CFAP61: variants seen among roughly 807,000 people sequenced by gnomAD.
The protein encoded by CFAP61 is cilia- and flagella-associated protein 61.
In CFAP61, 107 loss-of-function variants were observed where a neutral mutation model predicts 135.6. That is an observed-to-expected ratio of 0.79 (90% CI 0.67 to 0.93). The LOEUF (loss-of-function observed/expected upper bound fraction) is 0.93. Ranked by LOEUF, CFAP61 falls within the 40% of genes least tolerant of loss-of-function variation. The pLI is 0.00. For missense variants in CFAP61, 1,507 were observed against 1,556.2 expected, an observed-to-expected ratio of 0.97 and a Z score of 0.53; for synonymous variants, 575 against 578.5, an observed-to-expected ratio of 0.99 and a Z score of 0.09.
At chr20:20,299,696 C>T (rs1480601977) in intron 25 of CFAP61, among the ~76,000 whole-genome samples, 1 of 152,104 alleles carries the variant, frequency 6.6e-6, no homozygotes, top group Non-Finnish European at 1.5e-5. Flanking sequence ...TTTGTGAGAA[C>T]CATCCAGGAT....
chr20:20,357,934 G>T (rs2059305908), intron 26 of CFAP61, among the ~76,000 whole-genome samples: 1 of 138,614 alleles, frequency 7.2e-6, no homozygotes, highest in African/African-American at 2.8e-5. Context: ...TGGTCACACT[G>T]AGGGAAGGTG....
At chr20:20,341,467 AAATTT>A (rs1368685514) in intron 25 of CFAP61, among the ~76,000 whole-genome samples, 1 of 152,188 alleles carries the variant, frequency 6.6e-6, no homozygotes, top group Non-Finnish European at 1.5e-5. Context: ...TTGTCTACCC[AAATTT>A]AATTTATTTA....
chr20:20,107,395 G>A (rs2048486187), intron 8 of CFAP61, among the ~76,000 whole-genome samples: 1 of 152,206 alleles, frequency 6.6e-6, no homozygotes, highest in African/African-American at 2.4e-5. Context: ...CCTGGTAGAG[G>A]CATCTTGGAA....
chr20:20,236,169 C>G (rs1041818954), intron 18 of CFAP61, among the ~76,000 whole-genome samples: 9 of 152,164 alleles, frequency 5.9e-5, no homozygotes, highest in African/African-American at 9.7e-5. Flanking sequence ...CCAGGCTCTA[C>G]AATTCTGCAC....
chr20:20,291,392 G>A (rs1037150958), intron 24 of CFAP61, among the ~76,000 whole-genome samples: 3 of 152,190 alleles, frequency 2.0e-5, no homozygotes, highest in African/African-American at 7.2e-5. Context: ...TTTCCAGAAT[G>A]TGATATAGTT....
intron 21 of CFAP61, chr20:20,267,530 T>C (rs1228343381): frequency 1.3e-5 from 2 of 152,432 alleles, no homozygotes; most frequent in Non-Finnish European, 2.9e-5. Flanking sequence ...GAGGCAGCTG[T>C]GGATGCAGGA....
chr20:20,357,342 A>G (rs1602188120), intron 26 of CFAP61, among the ~76,000 whole-genome samples: 2 of 17,744 alleles, frequency 1.1e-4, no homozygotes, highest in Non-Finnish European at 1.2e-4. Flanking sequence ...CTGTGAGGGG[A>G]AGTGGTCACA....
intron 6 of CFAP61, among the ~76,000 whole-genome samples, chr20:20,083,596 ATTTGAT>A (rs2046584133): frequency 6.6e-6 from 1 of 152,260 alleles, no homozygotes; most frequent in Non-Finnish European, 1.5e-5. Context: ...TTAATGAAAC[ATTTGAT>A]AGTCCCATGT....
At chr20:20,130,475 A>C (rs571697237) in intron 8 of CFAP61, among the ~76,000 whole-genome samples, 1 of 151,904 alleles carries the variant, frequency 6.6e-6, no homozygotes. Flanking sequence ...GCATTGAAGG[A>C]CAGTTCAATT....
intron 3 of CFAP61, among the ~76,000 whole-genome samples, chr20:20,071,836 C>T (rs2045727317): frequency 6.6e-6 from 1 of 152,188 alleles, no homozygotes; most frequent in African/African-American, 2.4e-5. Context: ...CTCTCCTACC[C>T]TGCCACCCTG....
chr20:20,177,737 A>G (rs2054743914), intron 13 of CFAP61, among the ~76,000 whole-genome samples: 2 of 151,050 alleles, frequency 1.3e-5, no homozygotes, highest in Admixed American at 6.6e-5. Context: ...TGCACAGTAT[A>G]TAGGCACTAA....
intron 25 of CFAP61, among the ~76,000 whole-genome samples, chr20:20,316,404 T>C (rs2122220478): frequency 6.6e-6 from 1 of 152,032 alleles, no homozygotes; most frequent in African/African-American, 2.4e-5. Context: ...CCTGAGACTT[T>C]GCTGAAGTTG....
intron 5 of CFAP61, 61 bp downstream of exon 5, chr20:20,075,317 A>G (rs530536412): frequency 6.4e-7 from 1 of 1,563,056 alleles, no homozygotes; most frequent in East Asian, 2.2e-5. Context: ...CACTCCCAGA[A>G]TGGTGCTTTG....
At chr20:20,190,110 C>T (rs559119884) in intron 14 of CFAP61, among the ~76,000 whole-genome samples, 10 of 152,322 alleles carry the variant, frequency 6.6e-5, no homozygotes, top group South Asian at 4.1e-4. Context: ...AAAACTAAAA[C>T]TGCAACTATC....
intron 25 of CFAP61, among the ~76,000 whole-genome samples, chr20:20,309,335 C>T (rs778737444): frequency 1.3e-5 from 2 of 152,148 alleles, no homozygotes; most frequent in Non-Finnish European, 2.9e-5. Context: ...CCACCCAGAA[C>T]CTATTTTAGA....
chr20:20,061,163 G>A (rs528074163), intron 2 of CFAP61, among the ~76,000 whole-genome samples: 2 of 152,080 alleles, frequency 1.3e-5, no homozygotes, highest in Non-Finnish European at 2.9e-5. Context: ...AAAAGAACAG[G>A]TGTAGAGATG....
Position 20,338,203 on chromosome 20 carries a change from G to A in CFAP61, c.3423-3628G>A, listed in dbSNP as rs946765610. On this transcript the variant is annotated intron_variant, in intron 25 of 26. Coordinates refer to ENST00000245957, the MANE Select transcript of CFAP61 (RefSeq NM_015585.4). ...ACACTCATGGCTGAGCTTGACGTTCGGGCAGGCATCTTAGAAGGAGAACAG... is the reference window on the plus strand; with the variant it reads ...ACACTCATGGCTGAGCTTGACGTTCAGGCAGGCATCTTAGAAGGAGAACAG... 2.4e-4 allele frequency among the ~76,000 whole-genome samples: 37 copies of A among 152,234 alleles called. No individual in the cohort carries two copies. The Middle Eastern group carries it at 0.01, about 42-fold the overall frequency.
intron 18 of CFAP61, among the ~76,000 whole-genome samples, chr20:20,229,328 T>A (rs2048961722): frequency 6.6e-6 from 1 of 152,214 alleles, no homozygotes; most frequent in Non-Finnish European, 1.5e-5. Flanking sequence ...AAACTCGCTA[T>A]CTTCATTTAT....
chr20:20,236,912 A>G (rs1013816998), intron 18 of CFAP61, among the ~76,000 whole-genome samples: 2 of 152,224 alleles, frequency 1.3e-5, no homozygotes, highest in Non-Finnish European at 1.5e-5. Context: ...TGTGCTCAGT[A>G]TATATAAACA....
Sources: allele counts gnomAD v4.1 joint callset (sites outside exome capture counted in the v4.1 genomes callset), GRCh38; gene constraint gnomAD v4.1.1; transcripts MANE v1.5; gene names NCBI Gene and HGNC (gene_info 2026-07-23, HGNC 2026-07-21).